Variants in NDUFS2 observed in about 807,000 individuals in gnomAD.
The protein encoded by NDUFS2 is NADH:ubiquinone oxidoreductase core subunit S2, also known as NADH dehydrogenase [ubiquinone] iron-sulfur protein 2, mitochondrial.
Under a neutral mutation model 69.6 loss-of-function variants are expected in NDUFS2, and 38 were observed. That is an observed-to-expected ratio of 0.55 (90% CI 0.42 to 0.72). NDUFS2 has a LOEUF of 0.72. Ranked by LOEUF, NDUFS2 falls within the 30% of genes least tolerant of loss-of-function variation. The pLI, the probability that NDUFS2 is intolerant of heterozygous loss-of-function variation, is 0.00. For missense variants in NDUFS2, 468 were observed against 595.0 expected, an observed-to-expected ratio of 0.79 and a Z score of 2.22; for synonymous variants, 194 against 211.2, an observed-to-expected ratio of 0.92 and a Z score of 0.70.
At chr1:161,209,070 C>T in intron 3 of NDUFS2, 123 bp from the exon 4 acceptor site, 4 of 1,325,838 alleles carry the variant, frequency 3.0e-6, no homozygotes, top group South Asian at 2.4e-5. Context: ...TGTTGGGGCT[C>T]CTGAGACTAG....
intron 10 of NDUFS2, chr1:161,212,999 G>A (rs1259226796): frequency 9.6e-6 from 3 of 313,944 alleles, no homozygotes; most frequent in Non-Finnish European, 1.9e-5. Flanking sequence ...CTGTCTCCTG[G>A]GTTCAAGCGA....
intron 2 of NDUFS2, 191 bp downstream of exon 2, chr1:161,203,734 C>A: frequency 1.6e-6 from 1 of 635,640 alleles, no homozygotes; most frequent in Non-Finnish European, 2.9e-6. Flanking sequence ...AAAGCCGCAA[C>A]AACAGGCCTG....
In NDUFS2 at chr1:161,209,598, A is replaced by G. The variant is rs111808262; in HGVS notation, c.627+3A>G. 1.6e-4 allele frequency: 258 copies of G among 1,605,896 alleles called. No individual in the cohort carries two copies. In the African/African-American group the frequency reaches 3.0e-3, roughly 19 times the overall value. Reference sequence around the variant, plus strand: ...GGCTGTTTGAAGAAAGGGAGAAGGTAAGAGTGGGAGGAAAGGATAGGAATA... The same window carrying G: ...GGCTGTTTGAAGAAAGGGAGAAGGTGAGAGTGGGAGGAAAGGATAGGAATA... On this transcript the variant is annotated splice_donor_region_variant and intron_variant, in intron 5 of 13. Coordinates refer to ENST00000676972, the MANE Select transcript of NDUFS2 (RefSeq NM_001377299.1).
intron 13 of NDUFS2, 27 bp downstream of exon 13, chr1:161,213,948 T>G: frequency 6.8e-6 from 11 of 1,614,086 alleles, no homozygotes; most frequent in Middle Eastern, 3.3e-4. Flanking sequence ...GTAGTAGAGG[T>G]ATCCTAGACA....
At chr1:161,208,282 C>G (rs1432840599) in intron 3 of NDUFS2, among the ~76,000 whole-genome samples, 1 of 151,472 alleles carries the variant, frequency 6.6e-6, no homozygotes, top group African/African-American at 2.4e-5. Flanking sequence ...CCGCGCCTGA[C>G]CAGTATGTCA....
intron 13 of NDUFS2, 44 bp downstream of exon 13, chr1:161,213,965 T>C (rs549855915): frequency 8.1e-6 from 13 of 1,613,986 alleles, no homozygotes; most frequent in Middle Eastern, 1.7e-4. Context: ...GACAAAGGAG[T>C]TCGGGACGCC....
chr1:161,202,391 G>A lies in NDUFS2; in HGVS notation c.6G>A (p.Ala2=), dbSNP rs771305797. ...CAGTCTGCAGCCGGAGTAAGATGGC[G>A]GCGCTGAGGGCTTTGTGCGGCTTCC... is the stretch of plus-strand genomic sequence containing the variant. M[A]ALRALCGFRG... Residue 2 remains alanine (A), a synonymous_variant, in exon 1 of 14, where the codon GCG becomes GCA. Coordinates refer to ENST00000676972, the MANE Select transcript of NDUFS2 (RefSeq NM_001377299.1). 16 of 1,611,574 alleles carry A rather than the reference G, an allele frequency of 9.9e-6. No homozygotes were observed. Among genetic ancestry groups the A allele is most frequent in the Non-Finnish European group, 1.2e-5 (14 of 1,179,260 alleles).
At chr1:161,198,930 T>A (rs1224913008), upstream of NDUFS2, 1 of 353,354 alleles carries the variant, frequency 2.8e-6, no homozygotes, top group African/African-American at 2.1e-5. The surrounding 1 kb of genome is among the most constrained non-coding windows in gnomAD (Gnocchi z 4.7). Context: ...TCTGTAGGAC[T>A]CTGTCTGGGC....
In NDUFS2 at chr1:161,209,484, G is replaced by A; in HGVS notation, c.516G>A (p.Val172=). 2.5e-6 allele frequency: 4 copies of A among 1,613,620 alleles called. No individual in the cohort carries two copies. The highest frequency in any genetic ancestry group is 3.4e-6 in the Non-Finnish European group (4 of 1,179,890). The part of the protein sequence containing the change: ...RPPPRAQWIR[V]LFGEITRLLN... Reference sequence around the variant, plus strand: ...CCTGTCTTCTCCTTGTCTTCACAGTGCTGTTTGGAGAAATCACACGTTTGT... The same window carrying A: ...CCTGTCTTCTCCTTGTCTTCACAGTACTGTTTGGAGAAATCACACGTTTGT... The change falls in exon 5 of 14, where the codon GTG becomes GTA. Residue 172 remains valine, a splice_region_variant and synonymous_variant. Coordinates refer to ENST00000676972, the MANE Select transcript of NDUFS2 (RefSeq NM_001377299.1).
chr1:161,212,419 C>T lies in NDUFS2; in HGVS notation c.1055C>T (p.Pro352Leu), dbSNP rs766511786. 3 of 1,613,878 alleles carry T rather than the reference C, an allele frequency of 1.9e-6. No homozygotes were observed. The highest frequency in any genetic ancestry group is 2.2e-5 in the East Asian group (1 of 44,886). Residue 352 changes from proline to leucine, a missense_variant, in exon 10 of 14, where the codon CCT (proline) becomes CTT (leucine). This residue lies in a region of NDUFS2 where 339 missense variants were observed against 433.8 expected (regional missense o/e 0.78). Transcript: ENST00000676972. The part of the protein sequence containing the change: ...RIIAQCLNKM[P>L]PGEIKVDDAK... ...ATCGCACAGTGTCTAAACAAGATGC[C>T]TCCTGGGGAGATCAAGGTTGATGAT...
upstream of NDUFS2, chr1:161,197,990 C>T (rs1229070779): frequency 3.9e-6 from 6 of 1,550,132 alleles, no homozygotes; most frequent in Admixed American, 1.1e-4. Flanking sequence ...TCCAGAGATG[C>T]CTACCTTGGC....
chr1:161,211,468 G>A (rs1241559474), intron 9 of NDUFS2, among the ~76,000 whole-genome samples: 3 of 152,136 alleles, frequency 2.0e-5, no homozygotes, highest in Non-Finnish European at 4.4e-5. Flanking sequence ...GGCCAACATG[G>A]TGAAACCCCA....
At chr1:161,198,284 G>T (rs751288859), upstream of NDUFS2, 5 of 1,613,728 alleles carry the variant, frequency 3.1e-6, no homozygotes, top group Non-Finnish European at 4.2e-6. The surrounding 1 kb of genome is among the most constrained non-coding windows in gnomAD (Gnocchi z 4.7). Context: ...CAGCTCAGGC[G>T]CCTGGCCCAG....
rs754649797 is a variant in NDUFS2, at chr1:161,213,681, C to G, written c.1245C>G (p.Gly415=). The G allele has an allele frequency of 2.5e-6, 4 of 1,614,110 alleles. No homozygotes were observed. The highest frequency in any genetic ancestry group is 1.3e-5 in the African/African-American group (1 of 74,930). Residue 415 remains glycine (G), a synonymous_variant, in exon 12 of 14, where the codon GGC becomes GGG. Coordinates refer to ENST00000676972, the MANE Select transcript of NDUFS2 (RefSeq NM_001377299.1). ...TTGGGGTGTACCTGGTGTCTGATGG[C>G]AGCAGCCGCCCTTATCGATGCAAGA... The part of the protein sequence containing the change: ...GEFGVYLVSD[G]SSRPYRCKIK...
intron 2 of NDUFS2, 148 bp downstream of exon 2, chr1:161,203,691 G>A (rs1665298239): frequency 1.4e-6 from 1 of 716,122 alleles, no homozygotes; most frequent in Non-Finnish European, 2.5e-6. Context: ...GAACTTCTGG[G>A]CTCAAGGCAA....
chr1:161,214,297 G>GTC lies in NDUFS2; in HGVS notation c.*105_*106insCT. 9.2e-7 allele frequency: 1 copy of GTC among 1,090,584 alleles called. No individual in the cohort carries two copies. The highest frequency in any genetic ancestry group is 1.3e-5 in the South Asian group (1 of 77,336). 67.6% of individuals were successfully genotyped at this position (1,090,584 alleles called of 1,614,324 possible). A position where few individuals can be genotyped will look rare whatever the true frequency, so the allele number is the denominator to read the frequency against. Reference sequence around the variant, plus strand: ...TGTGTGTGTGTGTGTGTGTGTGTGTGTGTATGTTCATGTACACTTGGCTGT... The same window carrying GTC: ...TGTGTGTGTGTGTGTGTGTGTGTGTGTCTGTATGTTCATGTACACTTGGCTGT... On this transcript the variant is annotated 3_prime_UTR_variant, in exon 14 of 14. Coordinates refer to ENST00000676972, the MANE Select transcript of NDUFS2 (RefSeq NM_001377299.1).
At position 161,210,728 on chromosome 1, in the gene NDUFS2, T is replaced by C; in HGVS notation, c.986+18T>C. 1 of 1,614,010 alleles carries C rather than the reference T, an allele frequency of 6.2e-7. No homozygotes were observed. The highest frequency in any genetic ancestry group is 8.5e-7 in the Non-Finnish European group (1 of 1,179,928). On this transcript the variant is annotated intron_variant, in intron 9 of 13. Transcript: ENST00000676972. ...TATGATAGGTAAGGCCCCAATCCTTTCTTGGCTGATATTCCAGCTAGTTTC... is the reference window on the plus strand; with the variant it reads ...TATGATAGGTAAGGCCCCAATCCTTCCTTGGCTGATATTCCAGCTAGTTTC...
At chr1:161,198,671 A>G, upstream of NDUFS2, 1 of 1,442,708 alleles carries the variant, frequency 6.9e-7, no homozygotes, top group Non-Finnish European at 9.2e-7. This position sits in a 1 kb window ranked among gnomAD's most constrained non-coding sequence, Gnocchi z 4.7. Context: ...CGTCTAGGGC[A>G]CCAAGTCCTC....
At chr1:161,208,007 G>T (rs976446741) in intron 3 of NDUFS2, among the ~76,000 whole-genome samples, 2 of 121,192 alleles carry the variant, frequency 1.7e-5, no homozygotes, top group African/African-American at 7.1e-5. Context: ...TTTTTGAGAC[G>T]GAGTTTCACT....
Sources: gnomAD v4.1 joint callset for allele counts (sites outside exome capture counted in the v4.1 genomes callset) on GRCh38, gnomAD v4.1.1 for gene constraint, gnomAD v4.1.1 regional missense constraint, Gnocchi (gnomAD v3.1) non-coding constraint, MANE v1.5 for transcripts, NCBI Gene and HGNC (gene_info 2026-07-23, HGNC 2026-07-21) for gene names.